The following CENPP variants were observed in gnomAD, a reference collection of about 807,000 sequenced individuals.
CENPP encodes centromere protein P.
CENPP carries 24 observed loss-of-function variants against 35.6 expected under a neutral mutation model. The ratio of observed to expected loss-of-function variants is 0.67; its 90% CI spans 0.49 to 0.95. The LOEUF is 0.95. Ranked by LOEUF, CENPP falls within the 40% of genes least tolerant of loss-of-function variation. The probability of loss-of-function intolerance (pLI) is 0.00; values close to 1 mark genes in which losing one functional copy is unlikely to be tolerated. For synonymous variants in CENPP, 120 were observed against 125.5 expected, an observed-to-expected ratio of 0.96 and a Z score of 0.29; for missense variants, 332 against 345.3, an observed-to-expected ratio of 0.96 and a Z score of 0.31.
intron 5 of CENPP, among the ~76,000 whole-genome samples, chr9:92,531,288 A>T (rs1848733295): frequency 6.6e-6 from 1 of 151,908 alleles, no homozygotes; most frequent in South Asian, 2.1e-4. Flanking sequence ...CTTTGTAGAG[A>T]TTACCACATA....
chr9:92,588,794 G>A (rs989947678), intron 5 of CENPP, among the ~76,000 whole-genome samples: 10 of 152,130 alleles, frequency 6.6e-5, no homozygotes, highest in African/African-American at 2.4e-4. Context: ...CCTTGGCTGG[G>A]TGCTTTCCTG....
rs73522377 is a variant in CENPP, at chr9:92,561,238, G to A, written c.565-50076G>A. The stretch of plus-strand genomic sequence containing the variant: ...TTGGCTTTGATTTCTCCCAAGCACT[G>A]CCTCAGCACATCTATAAGAACAAGA... On this transcript the variant is annotated intron_variant, in intron 5 of 7. Coordinates refer to ENST00000375587, the MANE Select transcript of CENPP (RefSeq NM_001012267.3). 4.0e-3 allele frequency among the ~76,000 whole-genome samples: 608 copies of A among 152,242 alleles called. 8 individuals carry two copies. Among genetic ancestry groups the A allele is most frequent in the African/African-American group, 0.014 (568 of 41,546 alleles).
At chr9:92,474,827 A>G in intron 5 of CENPP, 1 of 1,613,874 alleles carries the variant, frequency 6.2e-7, no homozygotes, top group Non-Finnish European at 8.5e-7. Context: ...CTTCAGTGCG[A>G]TGTGTGAAGG....
chr9:92,395,782 C>CAAA (rs1842868138), intron 5 of CENPP, among the ~76,000 whole-genome samples: 4 of 149,416 alleles, frequency 2.7e-5, no homozygotes, highest in Non-Finnish European at 5.9e-5. Flanking sequence ...AGCATCTTTT[C>CAAA]ATGTGCTTGT....
At chr9:92,400,239 C>T (rs1180118532) in intron 5 of CENPP, among the ~76,000 whole-genome samples, 1 of 152,202 alleles carries the variant, frequency 6.6e-6, no homozygotes, top group African/African-American at 2.4e-5. Flanking sequence ...CAACCTCCAC[C>T]TCCCAGGTTC....
intron 5 of CENPP, among the ~76,000 whole-genome samples, chr9:92,428,064 T>C (rs912103536): frequency 1.1e-4 from 17 of 152,334 alleles, no homozygotes; most frequent in African/African-American, 3.8e-4. Context: ...GAACTACTTC[T>C]ATCAGAAAGG....
intron 5 of CENPP, among the ~76,000 whole-genome samples, chr9:92,582,030 GTGTTTTGTTTTGTTT>G (rs56879645): frequency 1.9e-4 from 28 of 149,646 alleles, no homozygotes; most frequent in African/African-American, 3.0e-4. Context: ...ACACTTGGTG[GTGTTTTGTTTTGTTT>G]TGTTTTGTTT....
chr9:92,535,888 C>A, intron 5 of CENPP: 1 of 440,214 alleles, frequency 2.3e-6, no homozygotes, highest in South Asian at 1.7e-5. Context: ...ATATTAAAAC[C>A]ATTCCACATG....
intron 5 of CENPP, chr9:92,522,654 G>A (rs1354411154): frequency 6.2e-7 from 1 of 1,613,888 alleles, no homozygotes. Flanking sequence ...TATAATCAAA[G>A]TTAACAATAG....
At chr9:92,430,415 T>C (rs1844076299) in intron 5 of CENPP, among the ~76,000 whole-genome samples, 1 of 151,894 alleles carries the variant, frequency 6.6e-6, no homozygotes, top group Non-Finnish European at 1.5e-5. Flanking sequence ...GGTTTATCCA[T>C]CTCTTCTCTC....
chr9:92,602,070 C>A (rs998527710), intron 5 of CENPP, among the ~76,000 whole-genome samples: 9 of 152,088 alleles, frequency 5.9e-5, no homozygotes, highest in African/African-American at 2.2e-4. Flanking sequence ...GCTGATGATG[C>A]CAGAGAGTAG....
chr9:92,618,865 C>T lies in CENPP; in HGVS notation c.*5716C>T, dbSNP rs1188779653. On this transcript the variant is annotated 3_prime_UTR_variant, in exon 8 of 8. Coordinates refer to ENST00000375587, the MANE Select transcript of CENPP (RefSeq NM_001012267.3). Reference sequence around the variant, plus strand: ...ACATGTTAGAAGAATGTGGAACATTCCGCAAATACTGGGTGCAGGGTTTAG... The same window carrying T: ...ACATGTTAGAAGAATGTGGAACATTTCGCAAATACTGGGTGCAGGGTTTAG... The T allele has an allele frequency of 2.9e-6, 1 of 344,596 alleles. No homozygotes were observed. The highest frequency in any genetic ancestry group is 5.7e-6 in the Non-Finnish European group (1 of 175,308). 21.3% of individuals were successfully genotyped at this position (344,596 alleles called of 1,614,324 possible).
At chr9:92,362,881 CT>C (rs1041260385) in intron 4 of CENPP, among the ~76,000 whole-genome samples, 2 of 152,026 alleles carry the variant, frequency 1.3e-5, no homozygotes, top group African/African-American at 2.4e-5. Flanking sequence ...TCATTCATTT[CT>C]TTTTTTTCCA....
At chr9:92,545,590 C>T (rs1323533216) in intron 5 of CENPP, among the ~76,000 whole-genome samples, 2 of 152,230 alleles carry the variant, frequency 1.3e-5, no homozygotes, top group Admixed American at 6.5e-5. Flanking sequence ...CCTGCTCCAC[C>T]GCGTCCAGTC....
chr9:92,614,844 C>T lies in CENPP; in HGVS notation c.*1695C>T, dbSNP rs1271338215. 1 of 152,646 alleles carries T rather than the reference C, an allele frequency of 6.6e-6. No individual in the cohort carries two copies. The highest frequency in any genetic ancestry group is 2.4e-5 in the African/African-American group (1 of 41,460). 9.5% of individuals were successfully genotyped at this position (152,646 alleles called of 1,614,324 possible). A position where few individuals can be genotyped will look rare whatever the true frequency, so the allele number is the denominator to read the frequency against. On this transcript the variant is annotated 3_prime_UTR_variant, in exon 8 of 8. Transcript: ENST00000375587. The stretch of plus-strand genomic sequence containing the variant: ...CAACGAGAACCCTCTCGGCAGCAGC[C>T]AGGAGCTGTTCACCTTCCAGAAGCA...
At chr9:92,539,767 C>T (rs973431469) in intron 5 of CENPP, among the ~76,000 whole-genome samples, 18 of 152,150 alleles carry the variant, frequency 1.2e-4, no homozygotes, top group African/African-American at 4.3e-4. Context: ...TTTACTTTAG[C>T]TGAACTTACT....
intron 5 of CENPP, among the ~76,000 whole-genome samples, chr9:92,599,515 C>A (rs1346422596): frequency 6.6e-6 from 1 of 152,140 alleles, no homozygotes; most frequent in Non-Finnish European, 1.5e-5. Context: ...CTTCCAGGGT[C>A]AAGTGATTCT....
intron 5 of CENPP, chr9:92,600,542 C>G: frequency 6.2e-7 from 1 of 1,612,542 alleles, no homozygotes; most frequent in Non-Finnish European, 8.5e-7. Context: ...CCCACTGGGG[C>G]TGGGGCACAT....
intron 5 of CENPP, chr9:92,515,119 T>C: frequency 1.9e-6 from 3 of 1,613,852 alleles, no homozygotes; most frequent in Non-Finnish European, 2.5e-6. Flanking sequence ...ATGAAGTAAA[T>C]TGGTAGGTTC....
Sources: allele counts gnomAD v4.1 joint callset (sites outside exome capture counted in the v4.1 genomes callset), GRCh38; gene constraint gnomAD v4.1.1; transcripts MANE v1.5; gene names NCBI Gene and HGNC (gene_info 2026-07-23, HGNC 2026-07-21).